IL1RAPL1: variants seen among roughly 807,000 people sequenced by gnomAD.
IL1RAPL1 encodes interleukin 1 receptor accessory protein like 1.
Under a neutral mutation model 48.4 loss-of-function variants are expected in IL1RAPL1, and 3 were observed. The observed-to-expected ratio is 0.06, with a 90% confidence interval of 0.03 to 0.16. The LOEUF is 0.16. Ranked by LOEUF, IL1RAPL1 falls within the 10% of genes least tolerant of loss-of-function variation. IL1RAPL1 has a pLI of 1.00. For missense variants in IL1RAPL1, 349 were observed against 530.6 expected (o/e 0.66, Z 3.36); for synonymous variants, 185 against 187.7 (o/e 0.99, Z 0.12).
chrX:29,568,919 A>T (rs12353751), intron 5 of IL1RAPL1, among the ~76,000 whole-genome samples: 8,539 of 110,773 alleles, frequency 0.077, 831 homozygotes, highest in African/African-American at 0.27. Flanking sequence ...TAAAATAGAG[A>T]TGTTGTAGTC....
intron 3 of IL1RAPL1, among the ~76,000 whole-genome samples, chrX:29,367,485 G>A (rs371466412): frequency 9.0e-6 from 1 of 111,646 alleles, no homozygotes; most frequent in African/African-American, 3.2e-5. Context: ...AATGCCTCTG[G>A]TTTTGTCAGA....
chrX:28,610,286 C>G (rs768253446), intron 1 of IL1RAPL1, among the ~76,000 whole-genome samples: 5 of 112,062 alleles, frequency 4.5e-5, no homozygotes, highest in Non-Finnish European at 9.4e-5. Flanking sequence ...CTGGGACATC[C>G]TGTTGTTACC....
chrX:29,465,424 T>G (rs1475533054), intron 5 of IL1RAPL1, among the ~76,000 whole-genome samples: 1 of 111,972 alleles, frequency 8.9e-6, no homozygotes, highest in African/African-American at 3.3e-5. Flanking sequence ...TATATTGCAC[T>G]GTATGCAATA....
intron 2 of IL1RAPL1, among the ~76,000 whole-genome samples, chrX:29,146,022 A>G (rs1929343272): frequency 9.0e-6 from 1 of 111,627 alleles, no homozygotes; most frequent in Admixed American, 9.6e-5. Context: ...ATTCTGTTAA[A>G]ACAGAGATTA....
At chrX:29,950,676 TTTTTTTTTC>T (rs1933295013) in intron 9 of IL1RAPL1, among the ~76,000 whole-genome samples, 1 of 103,631 alleles carries the variant, frequency 9.6e-6, no homozygotes, top group African/African-American at 3.6e-5. Flanking sequence ...AGGCCTTTTT[TTTTTTTTTC>T]TTTTTTTTTG....
At chrX:29,506,413 CTCT>C (rs1319910571) in intron 5 of IL1RAPL1, among the ~76,000 whole-genome samples, 7 of 87,282 alleles carry the variant, frequency 8.0e-5, no homozygotes, top group African/African-American at 3.0e-4. Context: ...ATTTGATTTT[CTCT>C]TCTTCTTCTT....
At chrX:29,727,241 C>G (rs1016460926) in intron 6 of IL1RAPL1, among the ~76,000 whole-genome samples, 1 of 112,105 alleles carries the variant, frequency 8.9e-6, no homozygotes, top group African/African-American at 3.2e-5. Flanking sequence ...ACTCCTCCCT[C>G]CCTATAGCAA....
intron 1 of IL1RAPL1, among the ~76,000 whole-genome samples, chrX:28,652,815 A>T (rs1052008842): frequency 9.0e-6 from 1 of 110,825 alleles, no homozygotes; most frequent in African/African-American, 3.3e-5. Context: ...TAGTAGAGAA[A>T]AAAACATGGA....
intron 6 of IL1RAPL1, among the ~76,000 whole-genome samples, chrX:29,776,421 A>G (rs1365528068): frequency 9.0e-6 from 1 of 111,638 alleles, no homozygotes; most frequent in Non-Finnish European, 1.9e-5. Context: ...TATTACTTTT[A>G]CCTGCCTCTC....
intron 1 of IL1RAPL1, among the ~76,000 whole-genome samples, chrX:28,641,062 A>AT (rs1208619188): frequency 5.0e-4 from 51 of 101,393 alleles, no homozygotes; most frequent in East Asian, 1.2e-3. Flanking sequence ...GAAATGTAGG[A>AT]TTTTTTTTTT....
chrX:28,939,773 A>G (rs1412690297), intron 2 of IL1RAPL1, among the ~76,000 whole-genome samples: 1 of 111,616 alleles, frequency 9.0e-6, no homozygotes, highest in Non-Finnish European at 1.9e-5. Flanking sequence ...GATTGGGAGC[A>G]ATTTTCTTGC....
intron 5 of IL1RAPL1, among the ~76,000 whole-genome samples, chrX:29,441,212 C>G (rs1012837592): frequency 8.1e-5 from 9 of 111,503 alleles, no homozygotes; most frequent in Admixed American, 7.6e-4. Context: ...ATCTCCCCTC[C>G]TTTATGTTGT....
intron 2 of IL1RAPL1, among the ~76,000 whole-genome samples, chrX:29,040,017 T>G (rs1475575800): frequency 9.0e-6 from 1 of 111,512 alleles, no homozygotes; most frequent in Non-Finnish European, 1.9e-5. Context: ...CTCTAACAAT[T>G]ATCAAATTGA....
At chrX:29,240,222 ATATTTTT>A (rs1253763297) in intron 2 of IL1RAPL1, among the ~76,000 whole-genome samples, 3 of 17,580 alleles carry the variant, frequency 1.7e-4, no homozygotes, top group African/African-American at 8.1e-4. Flanking sequence ...ATATATATAT[ATATTTTT>A]TTTTTTTTTT....
chrX:28,911,799 AGG>A (rs1332108060), intron 2 of IL1RAPL1, among the ~76,000 whole-genome samples: 1 of 109,362 alleles, frequency 9.1e-6, no homozygotes, highest in Non-Finnish European at 1.9e-5. Context: ...TGGGGCTAGA[AGG>A]TATATTGCTT....
intron 1 of IL1RAPL1, among the ~76,000 whole-genome samples, chrX:28,636,130 T>C (rs1378111054): frequency 8.9e-6 from 1 of 112,285 alleles, no homozygotes. Flanking sequence ...AGATGTGGCA[T>C]TATTTTCCCA....
At chrX:29,334,775 G>A (rs1390034478) in intron 3 of IL1RAPL1, among the ~76,000 whole-genome samples, 2 of 112,416 alleles carry the variant, frequency 1.8e-5, no homozygotes, top group African/African-American at 3.2e-5. Flanking sequence ...GGGCAGAGAC[G>A]CTCCTCACTT....
At chrX:28,912,022 A>G (rs1923373785) in intron 2 of IL1RAPL1, among the ~76,000 whole-genome samples, 1 of 104,308 alleles carries the variant, frequency 9.6e-6, no homozygotes, top group African/African-American at 3.5e-5. Context: ...ACAATAACAT[A>G]CGAGATGGTA....
chrX:28,737,042 ATTTCCTTTTCTTTTC>A (rs1216259383), intron 1 of IL1RAPL1, among the ~76,000 whole-genome samples: 3 of 88,478 alleles, frequency 3.4e-5, no homozygotes, highest in African/African-American at 8.8e-5. Context: ...AGCCCTGAAT[ATTTCCTTTTCTTTTC>A]TTTTCTTTTC....
Sources: allele counts gnomAD v4.1 joint callset (sites outside exome capture counted in the v4.1 genomes callset), GRCh38; gene constraint gnomAD v4.1.1; transcripts MANE v1.5; gene names NCBI Gene and HGNC (gene_info 2026-07-23, HGNC 2026-07-21).